The following TMEM132D variants were observed in gnomAD, a reference collection of about 807,000 sequenced individuals.
The protein encoded by TMEM132D is transmembrane protein 132D, also known as mature OL transmembrane protein.
TMEM132D carries 21 observed loss-of-function variants against 62.3 expected under a neutral mutation model. The observed-to-expected ratio is 0.34, with a 90% CI of 0.24 to 0.49. TMEM132D has a LOEUF of 0.49. Among genes scored for constraint, TMEM132D ranks in the 20% least tolerant of loss-of-function variants. TMEM132D has a pLI of 0.99. For missense variants in TMEM132D, 1,346 were observed against 1,402.8 expected, an observed-to-expected ratio of 0.96 and a Z score of 0.65; for synonymous variants, 621 against 575.6, an observed-to-expected ratio of 1.08 and a Z score of -1.13.
chr12:129,841,526 A>G (rs1027050341), intron 1 of TMEM132D, among the ~76,000 whole-genome samples: 4 of 152,126 alleles, frequency 2.6e-5, no homozygotes, highest in Non-Finnish European at 4.4e-5. Flanking sequence ...TAGCTTCTGT[A>G]TTTCCTTCTT....
chr12:129,703,231 T>C (rs571769763), intron 1 of TMEM132D, among the ~76,000 whole-genome samples: 2 of 152,300 alleles, frequency 1.3e-5, no homozygotes, highest in Non-Finnish European at 2.9e-5. Context: ...CTTGAGGACA[T>C]GAAACCTAAC....
Position 129,371,529 on chromosome 12 carries a change from G to T in TMEM132D, c.1116-33712C>A, listed in dbSNP as rs550952519. ...CAATGATAATGGTGGTGATTATGATGATGATTATGATGATGATGATGATGA... is the reference window on the plus strand; with the variant it reads ...CAATGATAATGGTGGTGATTATGATTATGATTATGATGATGATGATGATGA... On this transcript the variant is annotated intron_variant, in intron 3 of 8. Transcript: ENST00000422113. The surrounding 1 kb of genome is among the most constrained non-coding windows in gnomAD (Gnocchi z 4.3). Among the ~76,000 whole-genome samples, 5 of 151,964 alleles carry T rather than the reference G, an allele frequency of 3.3e-5. No homozygotes were observed. The highest frequency in any genetic ancestry group is 3.3e-4 in the Admixed American group (5 of 15,254).
In TMEM132D at chr12:129,400,557, G is replaced by A. The variant is rs117771048; in HGVS notation, c.1116-62740C>T. Among the ~76,000 whole-genome samples the A allele has an allele frequency of 1.3e-3, 200 of 152,270 alleles. 4 individuals are homozygous for A. The East Asian group carries it at 0.036, about 28-fold the overall frequency. The stretch of plus-strand genomic sequence containing the variant: ...TTCTCTCCTCTGGACATCCCTGCCA[G>A]ACACGGTCCTCCATCCTCTTCACAT... On this transcript the variant is annotated intron_variant, in intron 3 of 8. Coordinates refer to ENST00000422113, the MANE Select transcript of TMEM132D (RefSeq NM_133448.3).
chr12:129,449,717 AG>A (rs1873211238), intron 3 of TMEM132D, among the ~76,000 whole-genome samples: 1 of 152,192 alleles, frequency 6.6e-6, no homozygotes, highest in South Asian at 2.1e-4. Context: ...GTGTGAATCC[AG>A]TATTTTAAAA....
chr12:129,408,579 A>G (rs1409251080), intron 3 of TMEM132D, among the ~76,000 whole-genome samples: 1 of 151,894 alleles, frequency 6.6e-6, no homozygotes, highest in Non-Finnish European at 1.5e-5. Flanking sequence ...TGGTAGTTTA[A>G]ATTTTTACAC....
chr12:129,279,545 C>A (rs76130543), intron 4 of TMEM132D, among the ~76,000 whole-genome samples: 2,822 of 151,740 alleles, frequency 0.019, 87 homozygotes, highest in African/African-American at 0.066. Flanking sequence ...ATTTCCTTAA[C>A]TTGATTTTTT....
At chr12:129,234,350 G>A (rs150851308) in intron 4 of TMEM132D, among the ~76,000 whole-genome samples, 1 of 152,254 alleles carries the variant, frequency 6.6e-6, no homozygotes, top group Non-Finnish European at 1.5e-5. Context: ...TCTTAGAATT[G>A]ACGTGCAAGT....
chr12:129,285,539 A>AAAAAAAAAAAAG (rs56018646), intron 4 of TMEM132D, among the ~76,000 whole-genome samples: 4 of 90,026 alleles, frequency 4.4e-5, no homozygotes, highest in Admixed American at 1.5e-4. Context: ...AAAAAAAAAA[A>AAAAAAAAAAAAG]AGAGAGAGAG....
intron 5 of TMEM132D, among the ~76,000 whole-genome samples, chr12:129,123,830 T>G (rs1019641010): frequency 6.6e-6 from 1 of 152,144 alleles, no homozygotes; most frequent in Admixed American, 6.5e-5. Context: ...AATCCATCAC[T>G]GTCTCCCCTT....
intron 3 of TMEM132D, among the ~76,000 whole-genome samples, chr12:129,516,015 C>T (rs1342571200): frequency 5.3e-5 from 8 of 152,294 alleles, no homozygotes; most frequent in Non-Finnish European, 1.0e-4. Context: ...ATGACATTGA[C>T]AATCAGACAA....
chr12:129,193,324 A>C (rs1240897332), intron 5 of TMEM132D, among the ~76,000 whole-genome samples: 1 of 150,444 alleles, frequency 6.6e-6, no homozygotes. Context: ...TTCCTTCTTC[A>C]CATAGCAATG....
At chr12:129,601,395 A>C (rs1338888959) in intron 2 of TMEM132D, among the ~76,000 whole-genome samples, 2 of 152,176 alleles carry the variant, frequency 1.3e-5, no homozygotes, top group African/African-American at 4.8e-5. Flanking sequence ...TCACTTTCTT[A>C]TCATCTGTGT....
At chr12:129,596,621 G>T (rs1408023865) in intron 2 of TMEM132D, among the ~76,000 whole-genome samples, 1 of 152,026 alleles carries the variant, frequency 6.6e-6, no homozygotes, top group Non-Finnish European at 1.5e-5. Context: ...TACATGTAAT[G>T]CTTAATACAA....
intron 4 of TMEM132D, among the ~76,000 whole-genome samples, chr12:129,283,768 G>A (rs531412553): frequency 2.6e-5 from 4 of 152,268 alleles, no homozygotes; most frequent in African/African-American, 9.6e-5. Context: ...GAGGCATTTT[G>A]TCCAAGTGCT....
intron 2 of TMEM132D, among the ~76,000 whole-genome samples, chr12:129,626,002 A>G (rs942823014): frequency 6.6e-6 from 1 of 152,168 alleles, no homozygotes; most frequent in Non-Finnish European, 1.5e-5. Context: ...GCATACGGCT[A>G]TTAGAAGCAT....
chr12:129,093,154 A>T (rs1449183572), intron 5 of TMEM132D, among the ~76,000 whole-genome samples: 2 of 152,210 alleles, frequency 1.3e-5, no homozygotes, highest in South Asian at 2.1e-4. Flanking sequence ...CATGCCACAG[A>T]TGGGCTTCGG....
At chr12:129,113,648 C>G (rs1272184747) in intron 5 of TMEM132D, among the ~76,000 whole-genome samples, 1 of 151,998 alleles carries the variant, frequency 6.6e-6, no homozygotes, top group East Asian at 1.9e-4. Context: ...TAGCTGTAGA[C>G]CCGTCGGCCA....
rs547612712 is a variant in TMEM132D at position 129,141,336 on chromosome 12, A to T, written c.1444-56634T>A. On this transcript the variant is annotated intron_variant, in intron 5 of 8. Coordinates refer to ENST00000422113, the MANE Select transcript of TMEM132D (RefSeq NM_133448.3). ...CAATTGTGAATTAGACCATGTGTCT[A>T]ATGCTGTGGCTGTCCATGTGTTTGT... Among the ~76,000 whole-genome samples, 5 of 152,332 alleles carry T rather than the reference A, an allele frequency of 3.3e-5. No homozygotes were observed. In the South Asian group the frequency reaches 1.0e-3, roughly 32 times the overall value.
intron 3 of TMEM132D, among the ~76,000 whole-genome samples, chr12:129,446,512 GCATTA>G (rs1480246092): frequency 1.3e-5 from 2 of 152,148 alleles, no homozygotes; most frequent in African/African-American, 4.8e-5. Context: ...GGGAATAAAG[GCATTA>G]AATCCTTACA....
Sources: gnomAD v4.1 joint callset for allele counts (sites outside exome capture counted in the v4.1 genomes callset) on GRCh38, gnomAD v4.1.1 for gene constraint, Gnocchi (gnomAD v3.1) non-coding constraint, MANE v1.5 for transcripts, NCBI Gene and HGNC (gene_info 2026-07-23, HGNC 2026-07-21) for gene names.